The following TIPIN variants were observed in gnomAD, a reference collection of about 807,000 sequenced individuals.
TIPIN encodes TIMELESS-interacting protein.
A neutral mutation model predicts 35.6 loss-of-function variants in TIPIN; 29 were observed. That is an observed-to-expected ratio of 0.82 (90% CI 0.61 to 1.11). The LOEUF (loss-of-function observed/expected upper bound fraction) is 1.11, where lower values mean the gene tolerates loss of function less well. Among genes scored for constraint, TIPIN ranks in the 50% most tolerant of loss-of-function variants. TIPIN has a pLI of 0.00. For synonymous variants in TIPIN, 102 were observed against 121.5 expected (o/e 0.84, Z 1.06); for missense variants, 296 against 345.4 (o/e 0.86, Z 1.13).
At chr15:66,341,491 G>T (rs1230278427) in intron 6 of TIPIN, 135 bp from the exon 7 acceptor site, 1 of 442 alleles carries the variant, frequency 2.3e-3, no homozygotes, top group African/African-American at 2.6e-3. Context: ...GTTGTGGGCC[G>T]GGCGCGGTGG....
rs569355035 is a variant in TIPIN, at chr15:66,336,557, AAAAAC to A, written c.*396_*400del. On this transcript the variant is annotated 3_prime_UTR_variant, in exon 8 of 8. Coordinates refer to ENST00000261881, the MANE Select transcript of TIPIN (RefSeq NM_017858.3). ...CAACAGAGTGAGACTCTGTGTCAAAAAAAACAAAACAAAACAAAACAAAAAACTTC... is the reference window on the plus strand; with the variant it reads ...CAACAGAGTGAGACTCTGTGTCAAAAAAAACAAAACAAAACAAAAAACTTC... 271 of 180,846 alleles carry A rather than the reference AAAAAC, an allele frequency of 1.5e-3. 1 individual carries two copies. The highest frequency in any genetic ancestry group is 2.8e-3 in the Middle Eastern group (1 of 352). The allele number at this position is 180,846 out of a possible 1,614,324, so 11.2% of individuals were successfully genotyped here.
intron 1 of TIPIN, among the ~76,000 whole-genome samples, chr15:66,367,843 T>A (rs1400690283): frequency 1.3e-5 from 2 of 150,364 alleles, no homozygotes; most frequent in Non-Finnish European, 3.0e-5. Context: ...GTTTTTGTTT[T>A]TTTTTTTTTG....
At chr15:66,340,036 G>A (rs568950239) in intron 7 of TIPIN, among the ~76,000 whole-genome samples, 54 of 151,320 alleles carry the variant, frequency 3.6e-4, no homozygotes, top group Non-Finnish European at 6.3e-4. Flanking sequence ...ACCATGCCCG[G>A]CAAATTTTTG....
At chr15:66,381,351 T>C (rs890487582) in intron 1 of TIPIN, among the ~76,000 whole-genome samples, 1 of 151,904 alleles carries the variant, frequency 6.6e-6, no homozygotes, top group Non-Finnish European at 1.5e-5. Flanking sequence ...GGCAGGCAAA[T>C]TGCTTGAACC....
At chr15:66,380,054 T>G in intron 1 of TIPIN, 1 of 422,496 alleles carries the variant, frequency 2.4e-6, no homozygotes, top group South Asian at 2.2e-5. Flanking sequence ...CAGGCTGGAG[T>G]GCAGTGGCGC....
At chr15:66,376,008 A>C (rs1012372175) in intron 1 of TIPIN, among the ~76,000 whole-genome samples, 1 of 152,070 alleles carries the variant, frequency 6.6e-6, no homozygotes, top group Non-Finnish European at 1.5e-5. Context: ...GGCTAAGGCA[A>C]GAGGATCACT....
chr15:66,349,458 T>C, intron 4 of TIPIN, 21 bp from the exon 5 acceptor site: 2 of 1,606,690 alleles, frequency 1.2e-6, no homozygotes, highest in Non-Finnish European at 8.5e-7. Flanking sequence ...AAAATAAAAA[T>C]GCTAAACAGG....
intron 1 of TIPIN, among the ~76,000 whole-genome samples, chr15:66,367,966 T>C (rs1394251216): frequency 6.6e-6 from 1 of 151,460 alleles, no homozygotes; most frequent in East Asian, 1.9e-4. Flanking sequence ...CCTGAGTAGC[T>C]GGGACTACAG....
intron 7 of TIPIN, among the ~76,000 whole-genome samples, chr15:66,337,766 C>CAAAAA (rs199560907): frequency 1.5e-5 from 1 of 67,846 alleles, no homozygotes; most frequent in Non-Finnish European, 3.6e-5. Context: ...AACAAAACAT[C>CAAAAA]AAAAAAAATA....
chr15:66,346,602 A>G (rs2093127663), intron 6 of TIPIN, among the ~76,000 whole-genome samples: 1 of 152,072 alleles, frequency 6.6e-6, no homozygotes, highest in Non-Finnish European at 1.5e-5. Flanking sequence ...TTTGCCCACA[A>G]AGGGGCCTGA....
At chr15:66,368,379 A>G (rs1287100657) in intron 1 of TIPIN, among the ~76,000 whole-genome samples, 1 of 149,744 alleles carries the variant, frequency 6.7e-6, no homozygotes, top group Non-Finnish European at 1.5e-5. Flanking sequence ...AGCGCTGGGT[A>G]TGGTATCACA....
At position 66,369,353 on chromosome 15, in the gene TIPIN, C is replaced by CTTTTTT. The variant is rs59189335; in HGVS notation, c.-8-16404_-8-16399dup. On this transcript the variant is annotated intron_variant, in intron 1 of 7. Coordinates refer to the TIPIN transcript ENST00000562124. Reference sequence around the variant, plus strand: ...TACCAATAATAATAGTTCACAATATCTTTTTTTTTTTTTTTTTTTGAGACA... The same window carrying CTTTTTT: ...TACCAATAATAATAGTTCACAATATCTTTTTTTTTTTTTTTTTTTTTTTTTGAGACA... 5.1e-5 allele frequency among the ~76,000 whole-genome samples: 6 copies of CTTTTTT among 118,606 alleles called. 1 individual carries two copies. The highest frequency in any genetic ancestry group is 2.0e-4 in the Admixed American group (2 of 9,794). 77.8% of individuals were successfully genotyped at this position (118,606 alleles called of 152,430 possible). A position where few individuals can be genotyped will look rare whatever the true frequency, so the allele number is the denominator to read the frequency against.
chr15:66,346,920 T>C (rs533919634), intron 6 of TIPIN, among the ~76,000 whole-genome samples: 6 of 152,014 alleles, frequency 3.9e-5, no homozygotes, highest in Non-Finnish European at 8.8e-5. Flanking sequence ...GCCTCCCGAA[T>C]AGCTGGGACT....
At chr15:66,353,433 G>A (rs1247947519) in intron 1 of TIPIN, among the ~76,000 whole-genome samples, 1 of 151,832 alleles carries the variant, frequency 6.6e-6, no homozygotes, top group African/African-American at 2.4e-5. Context: ...CTGGCTACAC[G>A]GTGAAACCCC....
intron 1 of TIPIN, among the ~76,000 whole-genome samples, chr15:66,370,469 G>T (rs921863894): frequency 1.3e-5 from 2 of 152,004 alleles, no homozygotes; most frequent in African/African-American, 2.4e-5. Flanking sequence ...TGTCCTTGGT[G>T]GGGGGCTGGA....
intron 1 of TIPIN, chr15:66,382,226 G>C (rs2093321257): frequency 2.6e-6 from 1 of 386,868 alleles, no homozygotes; most frequent in Admixed American, 6.4e-5. Context: ...TCATTTTATA[G>C]GTAAATTAAC....
chr15:66,369,385 C>T (rs1383625153), intron 1 of TIPIN, among the ~76,000 whole-genome samples: 7 of 130,400 alleles, frequency 5.4e-5, no homozygotes, highest in African/African-American at 1.2e-4. Flanking sequence ...GACAGAGTCT[C>T]GCTCTGTCGC....
intron 6 of TIPIN, chr15:66,347,313 A>G (rs762506820): frequency 1.9e-6 from 1 of 516,160 alleles, no homozygotes; most frequent in South Asian, 1.4e-5. Flanking sequence ...TGTACAACTA[A>G]CAAATGCAAT....
chr15:66,360,227 A>C (rs997858856), upstream of TIPIN, among the ~76,000 whole-genome samples: 1 of 152,088 alleles, frequency 6.6e-6, no homozygotes, highest in Non-Finnish European at 1.5e-5. Flanking sequence ...CCTATCCCTA[A>C]AAAATAAAAA....
Sources: allele counts gnomAD v4.1 joint callset (sites outside exome capture counted in the v4.1 genomes callset), GRCh38; gene constraint gnomAD v4.1.1; transcripts MANE v1.5; gene names NCBI Gene and HGNC (gene_info 2026-07-23, HGNC 2026-07-21).